Variants in SNX29 observed in about 807,000 individuals in gnomAD.
SNX29 encodes sorting nexin 29.
SNX29 carries 78 observed loss-of-function variants against 102.1 expected under a neutral mutation model. The observed-to-expected ratio is 0.76, with a 90% CI of 0.64 to 0.92. SNX29 has a LOEUF of 0.92. Among genes scored for constraint, SNX29 ranks in the 40% least tolerant of loss-of-function variants. SNX29 has a pLI of 0.00. For synonymous variants in SNX29, 580 were observed against 414.5 expected (o/e 1.40, Z -4.85); for missense variants, 1,280 against 1,061.7 (o/e 1.21, Z -2.86).
Position 12,572,196 on chromosome 16 carries a change from G to T in SNX29, c.*3567G>T. On this transcript the variant is annotated 3_prime_UTR_variant, in exon 21 of 21. Transcript: ENST00000566228. ...TAATTTCTTAGAACCATGGCAGGTA[G>T]TATTGTGCTTTAAAAACCAGAGGCT... 7.3e-6 allele frequency: 7 copies of T among 963,140 alleles called. No homozygotes were observed. Among genetic ancestry groups the T allele is most frequent in the Non-Finnish European group, 8.9e-6 (7 of 787,110 alleles). The allele number at this position is 963,140 out of a possible 1,614,324, so 59.7% of individuals were successfully genotyped here. A position where few individuals can be genotyped will look rare whatever the true frequency, so the allele number is the denominator to read the frequency against.
At chr16:12,391,974 C>T (rs181212275) in intron 16 of SNX29, among the ~76,000 whole-genome samples, 1 of 152,360 alleles carries the variant, frequency 6.6e-6, no homozygotes, top group East Asian at 1.9e-4. Flanking sequence ...AGATCATCGT[C>T]TCTCCTCTGA....
chr16:12,121,744 A>C (rs2053982262), intron 11 of SNX29, among the ~76,000 whole-genome samples: 1 of 152,154 alleles, frequency 6.6e-6, no homozygotes, highest in Non-Finnish European at 1.5e-5. Flanking sequence ...GCCTCCAGCC[A>C]GGGGTCCTGG....
At chr16:12,321,757 G>A (rs1391444019) in intron 15 of SNX29, among the ~76,000 whole-genome samples, 2 of 152,156 alleles carry the variant, frequency 1.3e-5, no homozygotes, top group Non-Finnish European at 2.9e-5. Flanking sequence ...CAGATGGCAG[G>A]TGTAAGAGTC....
At chr16:12,051,589 A>G (rs1042890535) in intron 7 of SNX29, among the ~76,000 whole-genome samples, 1 of 152,216 alleles carries the variant, frequency 6.6e-6, no homozygotes, top group Admixed American at 6.5e-5. Context: ...CTTCGCATCA[A>G]AGTGACTGCT....
intron 19 of SNX29, among the ~76,000 whole-genome samples, chr16:12,484,613 G>A (rs2088136105): frequency 6.6e-6 from 1 of 151,894 alleles, no homozygotes; most frequent in African/African-American, 2.4e-5. Flanking sequence ...CCACACTGGT[G>A]TCCTAAGACA....
intron 9 of SNX29, among the ~76,000 whole-genome samples, 166 bp downstream of exon 9, chr16:12,061,812 G>T (rs894199035): frequency 5.3e-5 from 8 of 152,200 alleles, no homozygotes; most frequent in African/African-American, 1.9e-4. Flanking sequence ...AAGTGAGAGA[G>T]GGCTTGGCTT....
chr16:12,028,670 G>A (rs928759441), intron 4 of SNX29, among the ~76,000 whole-genome samples: 2 of 151,896 alleles, frequency 1.3e-5, no homozygotes, highest in African/African-American at 4.8e-5. Flanking sequence ...GGCTCCAACA[G>A]TTCTTTTTTT....
intron 14 of SNX29, among the ~76,000 whole-genome samples, chr16:12,244,492 C>A (rs1373836751): frequency 6.6e-6 from 1 of 151,966 alleles, no homozygotes; most frequent in African/African-American, 2.4e-5. Flanking sequence ...GCCTGTAATC[C>A]CAGCTGCTCT....
intron 19 of SNX29, among the ~76,000 whole-genome samples, chr16:12,492,930 G>A (rs1163792721): frequency 6.6e-5 from 10 of 152,172 alleles, no homozygotes; most frequent in Admixed American, 5.9e-4. Flanking sequence ...TTTGGTTACT[G>A]TAGCCTTGTA....
intron 9 of SNX29, among the ~76,000 whole-genome samples, chr16:12,066,724 G>A (rs1346844871): frequency 1.3e-5 from 2 of 148,674 alleles, no homozygotes; most frequent in Non-Finnish European, 3.0e-5. Flanking sequence ...TGAGAGAGGG[G>A]AGCGCCAAGT....
At chr16:12,178,396 G>A (rs2076308846) in intron 13 of SNX29, among the ~76,000 whole-genome samples, 1 of 152,174 alleles carries the variant, frequency 6.6e-6, no homozygotes, top group South Asian at 2.1e-4. Context: ...GTGTGATGCT[G>A]GAGACGTATT....
At chr16:12,455,335 A>G (rs767154276) in intron 18 of SNX29, among the ~76,000 whole-genome samples, 5 of 152,100 alleles carry the variant, frequency 3.3e-5, no homozygotes, top group Admixed American at 1.3e-4. Context: ...TACCCCATCA[A>G]GGACTTTTTT....
At chr16:12,287,433 C>A (rs1035175581) in intron 15 of SNX29, among the ~76,000 whole-genome samples, 1 of 152,142 alleles carries the variant, frequency 6.6e-6, no homozygotes, top group South Asian at 2.1e-4. Flanking sequence ...TAAAGAACTT[C>A]CATATACTCA....
At chr16:12,254,862 C>G (rs925510553) in intron 14 of SNX29, among the ~76,000 whole-genome samples, 1 of 152,066 alleles carries the variant, frequency 6.6e-6, no homozygotes, top group Non-Finnish European at 1.5e-5. Context: ...GGGGTGAGAG[C>G]CTGAGTTGCA....
Position 12,570,113 on chromosome 16 carries a change from A to G in SNX29, c.*1484A>G, listed in dbSNP as rs2079155149. 6 of 1,019,400 alleles carry G rather than the reference A, an allele frequency of 5.9e-6. No individual in the cohort carries two copies. The highest frequency in any genetic ancestry group is 7.2e-6 in the Non-Finnish European group (6 of 837,986). The allele number at this position is 1,019,400 out of a possible 1,614,324, so 63.1% of individuals were successfully genotyped here. ...CCTTCCCCTCGTAGCAAAAAGGAAG[A>G]TTGTTCATGGCCTTTAAGGAAGGCT... On this transcript the variant is annotated 3_prime_UTR_variant, in exon 21 of 21. Coordinates refer to ENST00000566228, the MANE Select transcript of SNX29 (RefSeq NM_032167.5).
At chr16:12,218,162 C>T (rs2077374487) in intron 14 of SNX29, among the ~76,000 whole-genome samples, 1 of 152,204 alleles carries the variant, frequency 6.6e-6, no homozygotes, top group African/African-American at 2.4e-5. Context: ...GCTTGTACTT[C>T]ATACTTTGAT....
intron 19 of SNX29, among the ~76,000 whole-genome samples, chr16:12,515,968 T>C (rs1174431140): frequency 6.6e-6 from 1 of 152,118 alleles, no homozygotes; most frequent in African/African-American, 2.4e-5. Context: ...GTGGGCTACA[T>C]GCTCCCAGAG....
Position 12,534,880 on chromosome 16 carries a change from G to A in SNX29, c.2318+10039G>A, listed in dbSNP as rs555187032. Among the ~76,000 whole-genome samples the A allele has an allele frequency of 6.8e-4, 104 of 152,288 alleles. 1 individual carries two copies. Among genetic ancestry groups the A allele is most frequent in the African/African-American group, 2.2e-3 (92 of 41,562 alleles). ...TCCCAACCATGGGGGACAGTGCCAC[G>A]AGAATCTAGTGGGTAGAGGCAAGGG... On this transcript the variant is annotated intron_variant, in intron 20 of 20. Transcript: ENST00000566228.
rs921603752 is a variant in SNX29, at chr16:12,427,829, G to A, written c.2037+24300G>A. 1.4e-4 allele frequency among the ~76,000 whole-genome samples: 21 copies of A among 152,328 alleles called. 1 individual carries two copies. Among genetic ancestry groups the A allele is most frequent in the Admixed American group, 2.6e-4 (4 of 15,306 alleles). The stretch of plus-strand genomic sequence containing the variant: ...AAAATGACCCCATGACTGGGAAGAT[G>A]CCAGCTGACTTGGTGGGAGAAAGGA... On this transcript the variant is annotated intron_variant, in intron 18 of 20. Transcript: ENST00000566228.
Sources: gnomAD v4.1 joint callset for allele counts (sites outside exome capture counted in the v4.1 genomes callset) on GRCh38, gnomAD v4.1.1 for gene constraint, MANE v1.5 for transcripts, NCBI Gene and HGNC (gene_info 2026-07-23, HGNC 2026-07-21) for gene names.